The following JAZF1 variants were observed in gnomAD, a reference collection of about 807,000 sequenced individuals.
JAZF1 encodes juxtaposed with another zinc finger protein 1.
A neutral mutation model predicts 26.4 loss-of-function variants in JAZF1; 8 were observed. The observed-to-expected ratio is 0.30, with a 90% confidence interval of 0.18 to 0.55. JAZF1 has a LOEUF of 0.55. Ranked by LOEUF, JAZF1 falls within the 20% of genes least tolerant of loss-of-function variation. The probability of loss-of-function intolerance (pLI) is 0.94; values close to 1 mark genes in which losing one functional copy is unlikely to be tolerated. For missense variants in JAZF1, 199 were observed against 322.0 expected (o/e 0.62, Z 2.92); for synonymous variants, 126 against 122.3 (o/e 1.03, Z -0.20).
intron 3 of JAZF1, among the ~76,000 whole-genome samples, chr7:27,882,227 C>T (rs1178526456): frequency 1.3e-5 from 2 of 151,796 alleles, no homozygotes; most frequent in East Asian, 3.9e-4. Context: ...AATTCATATA[C>T]AGTTGTCCCC....
chr7:27,960,320 G>A (rs1785166878), intron 2 of JAZF1, among the ~76,000 whole-genome samples: 1 of 152,216 alleles, frequency 6.6e-6, no homozygotes, highest in South Asian at 2.1e-4. Context: ...ACCTCTAAAT[G>A]CTAATTTTTA....
chr7:27,895,633 T>C (rs767536228), intron 2 of JAZF1, among the ~76,000 whole-genome samples: 12 of 152,312 alleles, frequency 7.9e-5, no homozygotes, highest in South Asian at 6.2e-4. Flanking sequence ...GGTCCATTTC[T>C]TACCCAGCAA....
chr7:28,052,539 TA>T (rs199905065), intron 1 of JAZF1, among the ~76,000 whole-genome samples: 1 of 152,088 alleles, frequency 6.6e-6, no homozygotes, highest in Non-Finnish European at 1.5e-5. Flanking sequence ...CAGCAATGCA[TA>T]AAAAAGATGA....
At chr7:28,172,279 T>C (rs1001544643) in intron 1 of JAZF1, among the ~76,000 whole-genome samples, 4 of 152,244 alleles carry the variant, frequency 2.6e-5, no homozygotes, top group African/African-American at 9.6e-5. Flanking sequence ...CTTATAGTTC[T>C]TTATTGGCAA....
At chr7:27,912,448 G>A (rs17156008) in intron 2 of JAZF1, among the ~76,000 whole-genome samples, 3,007 of 152,074 alleles carry the variant, frequency 0.02, 101 homozygotes, top group African/African-American at 0.068. Flanking sequence ...AAAATCTTGG[G>A]GCTAGTTTAC....
At chr7:28,031,486 G>T (rs924386175) in intron 1 of JAZF1, among the ~76,000 whole-genome samples, 4 of 152,210 alleles carry the variant, frequency 2.6e-5, no homozygotes, top group African/African-American at 7.2e-5. Context: ...GCAGAGAGCA[G>T]GAGGAATGTA....
chr7:27,875,264 C>T (rs1337600166), intron 3 of JAZF1, among the ~76,000 whole-genome samples: 1 of 152,164 alleles, frequency 6.6e-6, no homozygotes, highest in Non-Finnish European at 1.5e-5. Flanking sequence ...ATTCCGAGTT[C>T]ATCCGCACTT....
intron 1 of JAZF1, among the ~76,000 whole-genome samples, chr7:28,088,576 T>C (rs528114854): frequency 6.6e-6 from 1 of 152,190 alleles, no homozygotes; most frequent in Non-Finnish European, 1.5e-5. Context: ...CAGAGATGTG[T>C]GTGATGAAGT....
chr7:27,998,071 A>C (rs62449874), intron 1 of JAZF1, among the ~76,000 whole-genome samples: 14,900 of 110,992 alleles, frequency 0.13, 1,222 homozygotes, highest in African/African-American at 0.16. Flanking sequence ...GGAAGGAAGG[A>C]AGGCAGGCAG....
At chr7:27,984,740 T>C (rs1206459282) in intron 2 of JAZF1, among the ~76,000 whole-genome samples, 1 of 152,126 alleles carries the variant, frequency 6.6e-6, no homozygotes, top group Non-Finnish European at 1.5e-5. Context: ...GAACAGAAAT[T>C]ATAACAAACT....
chr7:28,151,235 C>T (rs1783108174), intron 1 of JAZF1, among the ~76,000 whole-genome samples: 1 of 151,708 alleles, frequency 6.6e-6, no homozygotes, highest in Admixed American at 6.6e-5. Context: ...TCCCAAGTAG[C>T]TGGGATTACA....
At chr7:27,984,999 C>G (rs1785669750) in intron 2 of JAZF1, among the ~76,000 whole-genome samples, 1 of 152,116 alleles carries the variant, frequency 6.6e-6, no homozygotes, top group African/African-American at 2.4e-5. Context: ...CAAGAGAAAG[C>G]AGGAAAGATC....
intron 3 of JAZF1, among the ~76,000 whole-genome samples, chr7:27,891,491 A>G (rs989102707): frequency 8.5e-5 from 13 of 152,332 alleles, no homozygotes; most frequent in African/African-American, 3.1e-4. Context: ...CAAGGATAGG[A>G]AAGGAAAACA....
chr7:27,988,685 T>C (rs1785815789), intron 2 of JAZF1, among the ~76,000 whole-genome samples: 3 of 152,024 alleles, frequency 2.0e-5, no homozygotes, highest in African/African-American at 7.2e-5. Flanking sequence ...GCCAATGTCA[T>C]AGGTAAAAAA....
Position 28,180,613 on chromosome 7 carries a change from G to A in JAZF1, c.-36C>T, listed in dbSNP as rs768345800. 5 of 1,561,368 alleles carry A rather than the reference G, an allele frequency of 3.2e-6. No individual in the cohort carries two copies. The African/African-American group carries it at 5.5e-5, about 17-fold the overall frequency. ...CGAGAGCCCCCCTGGTGTCGGCTCTGCGAGCGCCGGGCGGGCGAGGGAGGG... is the reference window on the plus strand; with the variant it reads ...CGAGAGCCCCCCTGGTGTCGGCTCTACGAGCGCCGGGCGGGCGAGGGAGGG... On this transcript the variant is annotated 5_prime_UTR_variant, in exon 1 of 5. Coordinates refer to ENST00000283928, the MANE Select transcript of JAZF1 (RefSeq NM_175061.4).
At chr7:27,969,678 A>G (rs1361268922) in intron 2 of JAZF1, among the ~76,000 whole-genome samples, 1 of 152,230 alleles carries the variant, frequency 6.6e-6, no homozygotes, top group Non-Finnish European at 1.5e-5. Context: ...GACATAAAAT[A>G]CAAGCTAGCA....
chr7:27,901,685 A>G (rs553635028), intron 2 of JAZF1, among the ~76,000 whole-genome samples: 1 of 152,326 alleles, frequency 6.6e-6, no homozygotes, highest in East Asian at 1.9e-4. Flanking sequence ...GAGAGGACAC[A>G]TGGTCCAGAG....
chr7:28,082,365 G>A (rs577199714), intron 1 of JAZF1, among the ~76,000 whole-genome samples: 8 of 152,212 alleles, frequency 5.3e-5, no homozygotes, highest in Admixed American at 2.0e-4. Flanking sequence ...TGGGCTTCCC[G>A]TTGCTCTCCC....
intron 1 of JAZF1, among the ~76,000 whole-genome samples, chr7:28,035,091 T>G (rs1190711847): frequency 4.0e-5 from 6 of 151,874 alleles, no homozygotes; most frequent in African/African-American, 1.5e-4. Flanking sequence ...CCGAGGCAAG[T>G]GGATCACCTG....
Sources: gnomAD v4.1 joint callset for allele counts (sites outside exome capture counted in the v4.1 genomes callset) on GRCh38, gnomAD v4.1.1 for gene constraint, MANE v1.5 for transcripts, NCBI Gene and HGNC (gene_info 2026-07-23, HGNC 2026-07-21) for gene names.